The following PEX6 variants were observed in gnomAD, a reference collection of about 807,000 sequenced individuals.
PEX6 encodes the protein peroxisomal biogenesis factor 6, also known as peroxisome biogenesis factor 6.
Under a neutral mutation model 85.6 loss-of-function variants are expected in PEX6, and 55 were observed. That is an observed-to-expected ratio of 0.64 (90% CI 0.52 to 0.80). The LOEUF (loss-of-function observed/expected upper bound fraction) is 0.80, where lower values mean the gene tolerates loss of function less well. Among genes scored for constraint, PEX6 ranks in the 30% least tolerant of loss-of-function variants. PEX6 has a pLI of 0.00. For synonymous variants in PEX6, 519 were observed against 549.1 expected, an observed-to-expected ratio of 0.95 and a Z score of 0.77; for missense variants, 1,099 against 1,260.3, an observed-to-expected ratio of 0.87 and a Z score of 1.94.
chr6:42,971,229 A>G lies in PEX6; in HGVS notation c.1131-1242T>C, dbSNP rs1202896705. Among the ~76,000 whole-genome samples the G allele has an allele frequency of 6.6e-6, 1 of 152,210 alleles. No homozygotes were observed. The highest frequency in any genetic ancestry group is 1.5e-5 in the Non-Finnish European group (1 of 68,046). On this transcript the variant is annotated intron_variant, in intron 3 of 16. Coordinates refer to ENST00000304611, the MANE Select transcript of PEX6 (RefSeq NM_000287.4). This position sits in a 1 kb window ranked among gnomAD's most constrained non-coding sequence, Gnocchi z 4.4. Reference sequence around the variant, plus strand: ...ACTACAGTAAACCTGGAACATCAGGAAGCCTGAATCTGCCTATAATTAATT... The same window carrying G: ...ACTACAGTAAACCTGGAACATCAGGGAGCCTGAATCTGCCTATAATTAATT...
At position 42,979,036 on chromosome 6, in the gene PEX6, C is replaced by T; in HGVS notation, c.115G>A (p.Ala39Thr). Residue 39 changes from alanine (A) to threonine (T), a missense_variant, in exon 1 of 17, where the codon GCC becomes ACC. Ala to Thr is a moderately conservative substitution (Grantham distance 58). Coordinates refer to ENST00000304611, the MANE Select transcript of PEX6 (RefSeq NM_000287.4). ...WPAAELGLVL[A>T]LRPAGESPAG... ...GGGCTCTCCCCTGCAGGCCTCAGGG[C>T]CAGCACCAGGCCCAGCTCCGCCGCC... The T allele has an allele frequency of 6.5e-7, 1 of 1,532,694 alleles. No individual in the cohort carries two copies. Among genetic ancestry groups the T allele is most frequent in the African/African-American group, 1.4e-5 (1 of 73,052 alleles). The allele number at this position is 1,532,694 out of a possible 1,614,324, so 94.9% of individuals were successfully genotyped here. A position where few individuals can be genotyped will look rare whatever the true frequency, so the allele number is the denominator to read the frequency against.
intron 3 of PEX6, among the ~76,000 whole-genome samples, chr6:42,973,415 T>C (rs976423755): frequency 9.9e-5 from 15 of 152,072 alleles, no homozygotes; most frequent in African/African-American, 3.6e-4. Context: ...TGCTTGTTTT[T>C]TGAGACAGTG....
chr6:42,966,971 T>G (rs1265944365), intron 8 of PEX6, 113 bp from the exon 9 acceptor site: 23 of 535,346 alleles, frequency 4.3e-5, no homozygotes, highest in South Asian at 1.5e-4. Flanking sequence ...TTTGTTGTTT[T>G]TTTTTTTTTT....
At chr6:42,974,180 T>TGCA in intron 2 of PEX6, 94 bp from the exon 3 acceptor site, 1 of 918,736 alleles carries the variant, frequency 1.1e-6, no homozygotes, top group Non-Finnish European at 1.8e-6. Flanking sequence ...AGACTACTTC[T>TGCA]TGAGTCTACT....
rs866465109 is a variant in PEX6, at chr6:42,963,967, C to T, written c.*368G>A. On this transcript the variant is annotated 3_prime_UTR_variant, in exon 17 of 17. Coordinates refer to ENST00000304611, the MANE Select transcript of PEX6 (RefSeq NM_000287.4). Reference sequence around the variant, plus strand: ...TCCCAGGGCTTACTCCTCCCACAACCCTGCTCTTTCTCACTCCAACCTTTC... The same window carrying T: ...TCCCAGGGCTTACTCCTCCCACAACTCTGCTCTTTCTCACTCCAACCTTTC... The T allele has an allele frequency of 1.9e-6, 1 of 523,946 alleles. No individual in the cohort carries two copies. The highest frequency in any genetic ancestry group is 5.5e-4 in the Middle Eastern group (1 of 1,832). The allele number at this position is 523,946 out of a possible 1,614,324, so 32.5% of individuals were successfully genotyped here.
chr6:42,975,024 G>A lies in PEX6; in HGVS notation c.897C>T (p.Gly299=), dbSNP rs760550921. The A allele has an allele frequency of 2.5e-6, 4 of 1,612,900 alleles. No individual in the cohort carries two copies. In the East Asian group the frequency reaches 8.9e-5, roughly 36 times the overall value. The change falls in exon 2 of 17, where the codon GGC becomes GGT. Residue 299 remains glycine (G), a synonymous_variant. Transcript: ENST00000304611. ...GELRIQRYLE[G]SIAPEDKGSC... ...TTCCTTTGTCTTCAGGGGCGATGGA[G>A]CCTTCCAAGTACCTCTATTAGAGAA...
intron 3 of PEX6, among the ~76,000 whole-genome samples, chr6:42,973,231 T>C (rs1770133314): frequency 6.6e-6 from 1 of 151,832 alleles, no homozygotes; most frequent in Non-Finnish European, 1.5e-5. Flanking sequence ...AGGCTGGTCT[T>C]GAATTCCTGA....
At position 42,969,877 on chromosome 6, in the gene PEX6, G is replaced by T; in HGVS notation, c.1233+8C>A. 6.2e-7 allele frequency: 1 copy of T among 1,614,062 alleles called. No individual in the cohort carries two copies. Among genetic ancestry groups the T allele is most frequent in the Non-Finnish European group, 8.5e-7 (1 of 1,179,954 alleles). The stretch of plus-strand genomic sequence containing the variant: ...TGCGCTGGTCTACACCCATCCTTGG[G>T]GCCTCACCATGTACAAGGAGGTATG... On this transcript the variant is annotated splice_region_variant and intron_variant, in intron 4 of 16. Coordinates refer to ENST00000304611, the MANE Select transcript of PEX6 (RefSeq NM_000287.4).
Position 42,968,392 on chromosome 6 carries a change from G to A in PEX6, c.1586C>T (p.Thr529Ile), listed in dbSNP as rs771639281. 2 of 1,614,128 alleles carry A rather than the reference G, an allele frequency of 1.2e-6. No homozygotes were observed. Among genetic ancestry groups the A allele is most frequent in the Non-Finnish European group, 1.7e-6 (2 of 1,180,036 alleles). Residue 529 changes from threonine (T) to isoleucine (I), a missense_variant, in exon 7 of 17, where the codon ACA becomes ATA. Transcript: ENST00000304611. ...RRCRPAVLLL[T>I]AVDLLGRDRD... ...GTCCCGGCCCAGAAGGTCCACAGCTGTGAGCAACAGGACTGCAGGCCGGCA... is the reference window on the plus strand; with the variant it reads ...GTCCCGGCCCAGAAGGTCCACAGCTATGAGCAACAGGACTGCAGGCCGGCA...
At chr6:42,978,138 C>A in intron 1 of PEX6, 131 bp downstream of exon 1, 1 of 1,166,786 alleles carries the variant, frequency 8.6e-7, no homozygotes, top group Non-Finnish European at 1.3e-6. Context: ...AGTCACCGCG[C>A]CCGGCTAGAA....
chr6:42,974,851 T>G, intron 2 of PEX6, 24 bp downstream of exon 2: 1 of 1,604,604 alleles, frequency 6.2e-7, no homozygotes, highest in East Asian at 2.2e-5. Context: ...GAAGCTATCC[T>G]CCTTAAAAGG....
Position 42,965,839 on chromosome 6 carries a change from G to A in PEX6, c.2363-50C>T. On this transcript the variant is annotated intron_variant, in intron 12 of 16. Coordinates refer to ENST00000304611, the MANE Select transcript of PEX6 (RefSeq NM_000287.4). This position sits in a 1 kb window ranked among gnomAD's most constrained non-coding sequence, Gnocchi z 5.0. ...GAGGGCAAAGCTCGGCTTGTGGGGGGTTGAAGTTAGGTGAGAGCAGGGAGG... is the reference window on the plus strand; with the variant it reads ...GAGGGCAAAGCTCGGCTTGTGGGGGATTGAAGTTAGGTGAGAGCAGGGAGG... The A allele has an allele frequency of 7.9e-6, 12 of 1,526,638 alleles. No homozygotes were observed. The highest frequency in any genetic ancestry group is 1.1e-5 in the Non-Finnish European group (12 of 1,101,506). 94.6% of individuals were successfully genotyped at this position (1,526,638 alleles called of 1,614,324 possible). A position where few individuals can be genotyped will look rare whatever the true frequency, so the allele number is the denominator to read the frequency against.
Position 42,968,943 on chromosome 6 carries a change from G to T in PEX6, c.1410C>A (p.Gly470=). The T allele has an allele frequency of 6.2e-7, 1 of 1,614,030 alleles. No individual in the cohort carries two copies. The highest frequency in any genetic ancestry group is 8.5e-7 in the Non-Finnish European group (1 of 1,179,972). The part of the protein sequence containing the change: ...LTGTSSVLLR[G]PPGCGKTTVV... ...CTGTGGTCTTCCCACAGCCTGGGGG[G>T]CCCCGTAGAAGGACACTGCTAGTTC... Residue 470 remains glycine (G), a synonymous_variant, in exon 6 of 17, where the codon GGC becomes GGA. Coordinates refer to ENST00000304611, the MANE Select transcript of PEX6 (RefSeq NM_000287.4).
In PEX6 at chr6:42,968,458, A is replaced by G; in HGVS notation, c.1520T>C (p.Val507Ala). The change falls in exon 7 of 17, where the codon GTG becomes GCG. Residue 507 changes from valine (V) to alanine (A), a missense_variant. By Grantham distance (64) the Val-to-Ala change is moderately conservative. This residue lies in a region of PEX6 where 514 missense variants were observed against 627.0 expected (regional missense o/e 0.82). Transcript: ENST00000304611. ...SSLCAESSGAVETKLQAIFSR... is the reference protein window; with the variant it reads ...SSLCAESSGAAETKLQAIFSR... ...GAAGATGGCCTGCAGTTTTGTCTCC[A>G]CAGCCCCACTACTTTCTGCACAGAG... The G allele has an allele frequency of 1.3e-6, 2 of 1,600,004 alleles. No individual in the cohort carries two copies. The highest frequency in any genetic ancestry group is 1.7e-6 in the Non-Finnish European group (2 of 1,173,216).
chr6:42,978,745 G>A lies in PEX6; in HGVS notation c.406C>T (p.Pro136Ser), dbSNP rs1200942780. 1 of 1,536,556 alleles carries A rather than the reference G, an allele frequency of 6.5e-7. No homozygotes were observed. The highest frequency in any genetic ancestry group is 8.7e-7 in the Non-Finnish European group (1 of 1,147,208). The change falls in exon 1 of 17, where the codon CCG becomes TCG. Residue 136 changes from proline (P) to serine (S), a missense_variant. Physicochemically the swap from Pro to Ser is moderately conservative, Grantham distance 74. This residue lies in a region of PEX6 where 579 missense variants were observed against 611.6 expected (regional missense o/e 0.95). Coordinates refer to ENST00000304611, the MANE Select transcript of PEX6 (RefSeq NM_000287.4). ...RRGETLPVPG[P>S]RVLETRPALQ... ...GCCGGCCGCGTCTCCAGCACCCGCG[G>A]TCCGGGCACTGGGAGGGTCTCTCCG...
In PEX6 at chr6:42,978,610, C is replaced by G. The variant is rs372248987; in HGVS notation, c.541G>C (p.Val181Leu). ...GDSSRPPPPP[V>L]VSSFAVSGTV... is the part of the protein sequence containing the mutation. ...CCAGAAACCGCAAAGGAGGACACCA[C>G]GGGCGGGGGTGGGGGCCGACTGCTG... The change falls in exon 1 of 17, where the codon GTG becomes CTG. Residue 181 changes from valine to leucine, a missense_variant. Transcript: ENST00000304611. 1 of 1,604,776 alleles carries G rather than the reference C, an allele frequency of 6.2e-7. No individual in the cohort carries two copies. The highest frequency in any genetic ancestry group is 1.7e-5 in the Admixed American group (1 of 59,200).
In PEX6 at chr6:42,965,092, T is replaced by G. The variant is rs752553005; in HGVS notation, c.2649A>C (p.Leu883=). The G allele has an allele frequency of 1.2e-5, 19 of 1,614,042 alleles. No individual in the cohort carries two copies. Among genetic ancestry groups the G allele is most frequent in the Admixed American group, 1.7e-5 (1 of 59,996 alleles). Residue 883 remains leucine, a synonymous_variant, in exon 15 of 17, where the codon CTA becomes CTC. Coordinates refer to ENST00000304611, the MANE Select transcript of PEX6 (RefSeq NM_000287.4). This position sits in a 1 kb window ranked among gnomAD's most constrained non-coding sequence, Gnocchi z 5.0. ...GAGCATACTTGCGTGTGATGGCACTTAGAACGCGTAGCTGGGAGGCCCGGT... is the reference window on the plus strand; with the variant it reads ...GAGCATACTTGCGTGTGATGGCACTGAGAACGCGTAGCTGGGAGGCCCGGT... ...NEDRASQLRV[L]SAITRKFKLE...
Position 42,966,842 on chromosome 6 carries a change from T to A in PEX6, c.1901A>T (p.Asp634Val). The A allele has an allele frequency of 6.2e-7, 1 of 1,612,650 alleles. No individual in the cohort carries two copies. The highest frequency in any genetic ancestry group is 8.5e-7 in the Non-Finnish European group (1 of 1,179,932). The change falls in exon 9 of 17, where the codon GAT becomes GTT. Residue 634 changes from aspartate (D) to valine (V), a missense_variant. Asp to Val is a radical substitution (Grantham distance 152). Transcript: ENST00000304611. ...ARRCAGFVVG[D>V]LYALLTHSSR... ...GCTGTGGGTCAGAAGGGCATAGAGA[T>A]CCCCTACCACAAAGCCCTAGGGAAC...
Position 42,963,872 on chromosome 6 carries a change from GTTCC to G in PEX6, c.*459_*462del. 1 of 666,606 alleles carries G rather than the reference GTTCC, an allele frequency of 1.5e-6. No homozygotes were observed. The highest frequency in any genetic ancestry group is 2.6e-6 in the Non-Finnish European group (1 of 385,024). The allele number at this position is 666,606 out of a possible 1,614,324, so 41.3% of individuals were successfully genotyped here. A position where few individuals can be genotyped will look rare whatever the true frequency, so the allele number is the denominator to read the frequency against. ...AGGGTAAACAATATAGTCTTTTTCA[GTTCC>G]TGCATGCATTGTGTTTATTTATGTC... On this transcript the variant is annotated 3_prime_UTR_variant, in exon 17 of 17. Transcript: ENST00000304611.
Sources: allele counts gnomAD v4.1 joint callset (sites outside exome capture counted in the v4.1 genomes callset), GRCh38; gene constraint gnomAD v4.1.1; regional missense constraint gnomAD v4.1.1; non-coding constraint Gnocchi (gnomAD v3.1); transcripts MANE v1.5; gene names NCBI Gene and HGNC (gene_info 2026-07-23, HGNC 2026-07-21).